The following KLRG1 variants were observed in gnomAD, a reference collection of about 807,000 sequenced individuals.
The protein encoded by KLRG1 is killer cell lectin like receptor G1, also known as killer cell lectin-like receptor subfamily G member 1.
KLRG1 carries 16 observed loss-of-function variants against 21.8 expected under a neutral mutation model. The ratio of observed to expected loss-of-function variants is 0.73; its 90% confidence interval spans 0.50 to 1.11. The LOEUF is 1.11. Ranked by LOEUF, KLRG1 falls within the 50% of genes most tolerant of loss-of-function variation. The pLI is 0.00. For synonymous variants in KLRG1, 69 were observed against 75.9 expected, an observed-to-expected ratio of 0.91 and a Z score of 0.47; for missense variants, 173 against 218.3, an observed-to-expected ratio of 0.79 and a Z score of 1.31.
intron 1 of KLRG1, among the ~76,000 whole-genome samples, chr12:8,982,644 CTTTT>C (rs745473290): frequency 2.2e-5 from 3 of 136,010 alleles, no homozygotes; most frequent in Non-Finnish European, 1.6e-5. Flanking sequence ...CAGACAATAT[CTTTT>C]TTTTTTTTTT....
chr12:9,135,713 A>G, the KLRG1 span: 2 of 184,992 alleles, frequency 1.1e-5, no homozygotes, highest in Non-Finnish European at 1.1e-5. Context: ...GGCACAAGAT[A>G]GAGTGGTAAA....
At chr12:9,040,203 C>A in the KLRG1 span, among the ~76,000 whole-genome samples, 1 of 152,188 alleles carries the variant, frequency 6.6e-6, no homozygotes, top group African/African-American at 2.4e-5. Flanking sequence ...CAGTATATGG[C>A]ACAGACTCAT....
At chr12:9,068,367 G>A in the KLRG1 span, 1 of 834,166 alleles carries the variant, frequency 1.2e-6, no homozygotes, top group Admixed American at 2.6e-5. Flanking sequence ...TCATTCATCT[G>A]ATGTGTTGCT....
the KLRG1 span, chr12:9,068,297 A>T: frequency 6.7e-7 from 1 of 1,496,020 alleles, no homozygotes. Flanking sequence ...CATCTGTGGG[A>T]TACAGGCCAA....
intron 3 of KLRG1, among the ~76,000 whole-genome samples, chr12:8,999,180 CTTTAGATG>C (rs147248649): frequency 8.0e-4 from 121 of 152,106 alleles, no homozygotes; most frequent in Non-Finnish European, 1.4e-3. Flanking sequence ...ATGAGTATAT[CTTTAGATG>C]TTTGGATATA....
At chr12:8,951,045 AT>A (rs1565532614) in intron 1 of KLRG1, among the ~76,000 whole-genome samples, 1 of 151,072 alleles carries the variant, frequency 6.6e-6, no homozygotes. Flanking sequence ...AAAAAAAAAA[AT>A]TAAATTTTTT....
intron 1 of KLRG1, among the ~76,000 whole-genome samples, chr12:8,978,225 T>G (rs1242431509): frequency 6.6e-6 from 1 of 152,218 alleles, no homozygotes; most frequent in Non-Finnish European, 1.5e-5. Context: ...CTGTTTAGCA[T>G]GTTTCAACTT....
At chr12:9,013,651 CA>C (rs1473709674), downstream of KLRG1, among the ~76,000 whole-genome samples, 1 of 152,110 alleles carries the variant, frequency 6.6e-6, no homozygotes, top group Non-Finnish European at 1.5e-5. Context: ...AGAACTTGTG[CA>C]GGGAAACTCC....
chr12:9,192,626 G>A, the KLRG1 span: 1 of 1,614,154 alleles, frequency 6.2e-7, no homozygotes, highest in Non-Finnish European at 8.5e-7. Context: ...CAGGCTCCAG[G>A]TGAATGTAAC....
chr12:8,976,041 T>G (rs1946652886), intron 1 of KLRG1, among the ~76,000 whole-genome samples: 1 of 152,140 alleles, frequency 6.6e-6, no homozygotes, highest in African/African-American at 2.4e-5. Context: ...TTTTTCTAGT[T>G]TTTTGAGGTG....
At chr12:9,107,753 C>CCTG in the KLRG1 span, 1 of 1,267,958 alleles carries the variant, frequency 7.9e-7, no homozygotes, top group Non-Finnish European at 1.1e-6. Context: ...CTGTACTTCC[C>CCTG]TCTGCTCTCT....
the KLRG1 span, chr12:9,157,283 TC>T: frequency 6.2e-7 from 1 of 1,614,052 alleles, no homozygotes; most frequent in Non-Finnish European, 8.5e-7. Context: ...TAGACATGGC[TC>T]CCATGGGTCC....
At chr12:8,958,817 A>T (rs990861531) in intron 1 of KLRG1, among the ~76,000 whole-genome samples, 1 of 150,090 alleles carries the variant, frequency 6.7e-6, no homozygotes. Context: ...TGGTTGCACC[A>T]CTGCACTCCA....
At chr12:9,003,687 T>G (rs1346134991) in intron 3 of KLRG1, among the ~76,000 whole-genome samples, 2 of 77,922 alleles carry the variant, frequency 2.6e-5, no homozygotes, top group Non-Finnish European at 3.6e-5. Flanking sequence ...GTTCAGAGGG[T>G]TTTTTTTTTC....
the KLRG1 span, chr12:9,149,450 A>C: frequency 2.8e-6 from 3 of 1,085,078 alleles, no homozygotes; most frequent in East Asian, 7.3e-5. Flanking sequence ...AGGACATGCC[A>C]TGTGGATTGT....
the KLRG1 span, among the ~76,000 whole-genome samples, chr12:9,060,649 A>C: frequency 6.6e-6 from 1 of 152,142 alleles, no homozygotes; most frequent in African/African-American, 2.4e-5. Context: ...AAAAAACGAA[A>C]ACAAAAAACA....
the KLRG1 span, chr12:9,182,261 C>A: frequency 1.5e-6 from 1 of 682,370 alleles, no homozygotes; most frequent in Non-Finnish European, 2.1e-6. Context: ...CTCTATGTGC[C>A]ATTAGTTATT....
the KLRG1 span, among the ~76,000 whole-genome samples, chr12:9,164,956 A>G: frequency 1.3e-5 from 2 of 152,214 alleles, no homozygotes; most frequent in African/African-American, 4.8e-5. Flanking sequence ...TTAAGCACCC[A>G]TAGCACATAT....
the KLRG1 span, among the ~76,000 whole-genome samples, chr12:9,082,012 T>C: frequency 6.6e-6 from 1 of 152,206 alleles, no homozygotes; most frequent in East Asian, 1.9e-4. Flanking sequence ...ATGGCCAGTC[T>C]GTAAGCCCAG....
Sources: allele counts gnomAD v4.1 joint callset (sites outside exome capture counted in the v4.1 genomes callset), GRCh38; gene constraint gnomAD v4.1.1; transcripts MANE v1.5; gene names NCBI Gene and HGNC (gene_info 2026-07-23, HGNC 2026-07-21).